Variants in LRBA observed in about 807,000 individuals in gnomAD.
LRBA encodes the protein lipopolysaccharide-responsive and beige-like anchor protein.
In LRBA, 176 loss-of-function variants were observed where a neutral mutation model predicts 330.0. The ratio of observed to expected loss-of-function variants is 0.53; its 90% CI spans 0.47 to 0.60. The LOEUF (loss-of-function observed/expected upper bound fraction) is 0.60, where lower values mean the gene tolerates loss of function less well. LRBA is among the 20% of genes least tolerant of loss of function. LRBA has a pLI of 0.00. For missense variants in LRBA, 3,259 were observed against 3,444.8 expected (o/e 0.95, Z 1.35); for synonymous variants, 1,230 against 1,193.0 (o/e 1.03, Z -0.64).
intron 37 of LRBA, among the ~76,000 whole-genome samples, chr4:150,624,127 T>C (rs1447538638): frequency 6.6e-6 from 1 of 152,316 alleles, no homozygotes; most frequent in African/African-American, 2.4e-5. Context: ...ATGTCATTCA[T>C]GCAAATACTT....
At chr4:150,559,856 AAT>A in intron 40 of LRBA, among the ~76,000 whole-genome samples, 1 of 24,628 alleles carries the variant, frequency 4.1e-5, no homozygotes, top group African/African-American at 1.1e-4. Flanking sequence ...AATAATATAT[AAT>A]TATATATAAT....
chr4:150,928,123 T>C (rs1045926598), intron 4 of LRBA, among the ~76,000 whole-genome samples: 9 of 152,226 alleles, frequency 5.9e-5, no homozygotes, highest in Non-Finnish European at 1.0e-4. Context: ...TAGATCCAAT[T>C]AACTGCAGAG....
intron 2 of LRBA, among the ~76,000 whole-genome samples, chr4:150,977,806 C>T (rs1325391049): frequency 6.6e-6 from 1 of 152,208 alleles, no homozygotes; most frequent in African/African-American, 2.4e-5. Flanking sequence ...GTGGGAGATG[C>T]TCCTCTACCT....
chr4:151,010,415 G>A (rs1210874017), intron 2 of LRBA, among the ~76,000 whole-genome samples: 1 of 152,182 alleles, frequency 6.6e-6, no homozygotes, highest in Non-Finnish European at 1.5e-5. Flanking sequence ...CAAGAAAAAT[G>A]TACAAGTTGA....
chr4:150,949,006 C>T (rs1365590419), intron 2 of LRBA, among the ~76,000 whole-genome samples: 1 of 151,530 alleles, frequency 6.6e-6, no homozygotes, highest in African/African-American at 2.4e-5. Flanking sequence ...AATGACACAG[C>T]CACTATGAAA....
intron 46 of LRBA, among the ~76,000 whole-genome samples, chr4:150,431,017 C>T (rs552314401): frequency 2.0e-5 from 3 of 152,140 alleles, no homozygotes; most frequent in East Asian, 3.9e-4. Context: ...CAATAAATTG[C>T]CTAGAAAAGC....
At chr4:150,574,511 C>T (rs1770283952) in intron 40 of LRBA, among the ~76,000 whole-genome samples, 1 of 151,996 alleles carries the variant, frequency 6.6e-6, no homozygotes, top group Non-Finnish European at 1.5e-5. Flanking sequence ...AAGATAGTGA[C>T]TTGATCAAAG....
At chr4:150,704,126 G>A (rs1785381928) in intron 36 of LRBA, among the ~76,000 whole-genome samples, 1 of 152,044 alleles carries the variant, frequency 6.6e-6, no homozygotes, top group Admixed American at 6.5e-5. Context: ...AGGTGAGAGG[G>A]TCACTTGGGC....
chr4:150,680,630 A>T (rs753179126), intron 37 of LRBA, among the ~76,000 whole-genome samples: 7 of 152,250 alleles, frequency 4.6e-5, no homozygotes, highest in African/African-American at 1.2e-4. Flanking sequence ...TCCATAAAGC[A>T]GCAGATTTCA....
At chr4:150,409,980 CA>C in intron 47 of LRBA, among the ~76,000 whole-genome samples, 1 of 152,192 alleles carries the variant, frequency 6.6e-6, no homozygotes, top group East Asian at 1.9e-4. Context: ...CAACTGCAGC[CA>C]CCACGGCTGT....
At chr4:150,385,850 C>T (rs894677164) in intron 47 of LRBA, among the ~76,000 whole-genome samples, 4 of 152,146 alleles carry the variant, frequency 2.6e-5, no homozygotes, top group African/African-American at 9.7e-5. Context: ...AGCATGCTAT[C>T]CCATGAGCCA....
intron 2 of LRBA, among the ~76,000 whole-genome samples, chr4:150,981,867 G>A (rs927644762): frequency 7.9e-5 from 12 of 151,614 alleles, no homozygotes; most frequent in African/African-American, 1.2e-4. Flanking sequence ...GGAGGCTGAG[G>A]CAGGAGAACG....
intron 37 of LRBA, among the ~76,000 whole-genome samples, chr4:150,612,144 C>T (rs1340041382): frequency 6.6e-6 from 1 of 152,086 alleles, no homozygotes; most frequent in Non-Finnish European, 1.5e-5. Context: ...AAGTCCTATA[C>T]CACATTTGTT....
chr4:150,676,005 T>A (rs1490214485), intron 37 of LRBA, among the ~76,000 whole-genome samples: 3 of 152,188 alleles, frequency 2.0e-5, no homozygotes, highest in Non-Finnish European at 2.9e-5. Context: ...TGCAGTAAGT[T>A]ATTTGTGTTA....
intron 40 of LRBA, among the ~76,000 whole-genome samples, chr4:150,504,360 A>T (rs1018974505): frequency 1.3e-5 from 2 of 152,256 alleles, no homozygotes; most frequent in African/African-American, 4.8e-5. Flanking sequence ...CGGGTTACCC[A>T]CAAAGGGAAG....
intron 44 of LRBA, among the ~76,000 whole-genome samples, chr4:150,450,375 G>C (rs1428636464): frequency 6.6e-6 from 1 of 152,154 alleles, no homozygotes; most frequent in Non-Finnish European, 1.5e-5. Context: ...TTGTTGGCAG[G>C]TTCATGCTCT....
intron 17 of LRBA, among the ~76,000 whole-genome samples, chr4:150,877,501 C>T (rs1248473886): frequency 1.3e-5 from 2 of 152,068 alleles, no homozygotes; most frequent in Non-Finnish European, 2.9e-5. Flanking sequence ...TATATATGCA[C>T]CCAATAGTAG....
At chr4:150,543,819 G>T (rs1005010040) in intron 40 of LRBA, among the ~76,000 whole-genome samples, 6 of 151,990 alleles carry the variant, frequency 3.9e-5, no homozygotes, top group Non-Finnish European at 8.8e-5. Context: ...TATTACCAAA[G>T]TACCTCAACA....
intron 47 of LRBA, among the ~76,000 whole-genome samples, chr4:150,373,388 A>G (rs1740763853): frequency 6.6e-6 from 1 of 152,028 alleles, no homozygotes; most frequent in African/African-American, 2.4e-5. Context: ...ACCTGTTTGA[A>G]CCCACACTGA....
Sources: gnomAD v4.1 joint callset for allele counts (sites outside exome capture counted in the v4.1 genomes callset) on GRCh38, gnomAD v4.1.1 for gene constraint, MANE v1.5 for transcripts, NCBI Gene and HGNC (gene_info 2026-07-23, HGNC 2026-07-21) for gene names.